Variants in SMYD1 observed in about 807,000 individuals in gnomAD.
The protein encoded by SMYD1 is histone-lysine N-methyltransferase SMYD1.
In SMYD1, 49 loss-of-function variants were observed where a neutral mutation model predicts 54.0. The ratio of observed to expected loss-of-function variants is 0.91; its 90% confidence interval spans 0.72 to 1.15. SMYD1 has a LOEUF of 1.15. SMYD1 is among the 50% of genes most tolerant of loss of function. SMYD1 has a pLI of 0.00. For missense variants in SMYD1, 653 were observed against 639.6 expected, an observed-to-expected ratio of 1.02 and a Z score of -0.23; for synonymous variants, 269 against 234.2, an observed-to-expected ratio of 1.15 and a Z score of -1.36.
Position 88,087,847 on chromosome 2 carries a change from C to T in SMYD1, c.315-15C>T. The stretch of plus-strand genomic sequence containing the variant: ...ATGCAGCTGTAGTGGCCTCCTGACG[C>T]TGCCCTTCCCACAGGCTGGCGGCGC... On this transcript the variant is annotated splice_polypyrimidine_tract_variant and intron_variant, in intron 2 of 9. Transcript: ENST00000419482. The T allele has an allele frequency of 6.4e-7, 1 of 1,550,928 alleles. No individual in the cohort carries two copies. The highest frequency in any genetic ancestry group is 8.7e-7 in the Non-Finnish European group (1 of 1,147,990).
rs551592556 is a variant in SMYD1, at chr2:88,104,497, T to C, written c.981+1347T>C. Among the ~76,000 whole-genome samples the C allele has an allele frequency of 7.9e-5, 12 of 152,310 alleles. No homozygotes were observed. In the South Asian group the frequency reaches 1.9e-3, roughly 24 times the overall value. ...GAGCAGGAGGGCCCCACTGGCTCCATTGCCCTGGGTTCTCTCCTGTTCGTT... is the reference window on the plus strand; with the variant it reads ...GAGCAGGAGGGCCCCACTGGCTCCACTGCCCTGGGTTCTCTCCTGTTCGTT... On this transcript the variant is annotated intron_variant, in intron 7 of 9. Transcript: ENST00000419482.
chr2:88,098,021 T>C (rs1674633075), intron 6 of SMYD1, among the ~76,000 whole-genome samples: 1 of 152,172 alleles, frequency 6.6e-6, no homozygotes, highest in African/African-American at 2.4e-5. Flanking sequence ...ACATGTATAT[T>C]GGATGCATGT....
At chr2:88,090,632 C>G (rs1674439904) in intron 3 of SMYD1, among the ~76,000 whole-genome samples, 1 of 152,056 alleles carries the variant, frequency 6.6e-6, no homozygotes, top group Non-Finnish European at 1.5e-5. Context: ...GAAGGAAAAG[C>G]TCACACACAC....
Position 88,067,881 on chromosome 2 carries a change from T to C in SMYD1, c.17T>C (p.Met6Thr). 6.2e-7 allele frequency: 1 copy of C among 1,613,908 alleles called. No individual in the cohort carries two copies. The highest frequency in any genetic ancestry group is 1.1e-5 in the South Asian group (1 of 91,056). MTIGR[M>T]ENVEVFTAEG... ...GTCTCTGAGATGACAATAGGGAGAA[T>C]GGAGAACGTGGAGGTCTTCACCGCT... The change falls in exon 1 of 10, where the codon ATG (methionine) becomes ACG (threonine). Residue 6 changes from methionine (M) to threonine (T), a missense_variant. Transcript: ENST00000419482.
intron 2 of SMYD1, among the ~76,000 whole-genome samples, chr2:88,085,178 G>T (rs1196124429): frequency 6.6e-6 from 1 of 152,024 alleles, no homozygotes; most frequent in Non-Finnish European, 1.5e-5. Flanking sequence ...GGCAAAATAG[G>T]CTAGAGCTGA....
At chr2:88,096,177 G>A (rs1396711671) in intron 5 of SMYD1, among the ~76,000 whole-genome samples, 1 of 152,224 alleles carries the variant, frequency 6.6e-6, no homozygotes, top group African/African-American at 2.4e-5. Flanking sequence ...TGAGAGAGTA[G>A]TCCCCAAACT....
At chr2:88,090,708 C>T (rs1404957912) in intron 3 of SMYD1, among the ~76,000 whole-genome samples, 1 of 152,126 alleles carries the variant, frequency 6.6e-6, no homozygotes, top group Non-Finnish European at 1.5e-5. Flanking sequence ...CTGAGGAATA[C>T]TCATGTAAGA....
chr2:88,081,681 G>A (rs552992179), intron 1 of SMYD1, among the ~76,000 whole-genome samples: 103 of 151,676 alleles, frequency 6.8e-4, no homozygotes, highest in Middle Eastern at 3.4e-3. Context: ...GGTGATCTGC[G>A]CACCTCGGCT....
At chr2:88,085,785 A>T (rs1466670350) in intron 2 of SMYD1, among the ~76,000 whole-genome samples, 1 of 152,076 alleles carries the variant, frequency 6.6e-6, no homozygotes, top group Non-Finnish European at 1.5e-5. Flanking sequence ...CTGTGAAGAC[A>T]CCTCAGTTTC....
Position 88,096,746 on chromosome 2 carries a change from A to C in SMYD1, c.850A>C (p.Lys284Gln), listed in dbSNP as rs1225756980. 8.1e-6 allele frequency: 13 copies of C among 1,614,062 alleles called. No homozygotes were observed. In the African/African-American group the frequency reaches 1.5e-4, roughly 18 times the overall value. ...ATGTGAACACTGCCAGAAAAAACTG[A>C]AGGATGACCTCTTCCTGGGGGTGAA... is the stretch of plus-strand genomic sequence containing the variant. ...CTCEHCQKKL[K>Q]DDLFLGVKDN... is the part of the protein sequence containing the mutation. The change falls in exon 6 of 10, where the codon AAG becomes CAG. Residue 284 changes from lysine to glutamine, a missense_variant. Coordinates refer to ENST00000419482, the MANE Select transcript of SMYD1 (RefSeq NM_198274.4).
chr2:88,102,999 A>T, intron 6 of SMYD1, 59 bp from the exon 7 acceptor site: 3 of 1,350,044 alleles, frequency 2.2e-6, no homozygotes, highest in Non-Finnish European at 3.2e-6. Context: ...CAACTATTCA[A>T]AGGTGGAATG....
chr2:88,109,435 C>T (rs1012237548), intron 9 of SMYD1, among the ~76,000 whole-genome samples: 12 of 152,140 alleles, frequency 7.9e-5, no homozygotes, highest in African/African-American at 1.7e-4. Flanking sequence ...TCAGTCTCCT[C>T]ATCAGTAAAA....
rs1412225475 is a variant in SMYD1, at chr2:88,106,338, G to A, written c.995G>A (p.Cys332Tyr). The change falls in exon 8 of 10, where the codon TGC becomes TAC. Residue 332 changes from cysteine to tyrosine, a missense_variant. Coordinates refer to ENST00000419482, the MANE Select transcript of SMYD1 (RefSeq NM_198274.4). ...GTCTCACTCTAGGTTGTGAAATTAT[G>A]CCGGGAGTGCCTGGAGAAGCAGGAG... Reference protein sequence around the residue: ...EGLYHEVVKLCRECLEKQEPV... With the variant: ...EGLYHEVVKLYRECLEKQEPV... 2.5e-6 allele frequency: 4 copies of A among 1,614,016 alleles called. No homozygotes were observed. The South Asian group carries it at 3.3e-5, about 13-fold the overall frequency.
intron 7 of SMYD1, among the ~76,000 whole-genome samples, chr2:88,105,228 C>T (rs930251603): frequency 9.9e-5 from 15 of 152,168 alleles, no homozygotes; most frequent in Non-Finnish European, 1.9e-4. Flanking sequence ...ATCCATTGCT[C>T]ACCATCTGTG....
chr2:88,099,966 C>A (rs1268059095), intron 6 of SMYD1, among the ~76,000 whole-genome samples: 1 of 150,450 alleles, frequency 6.6e-6, no homozygotes, highest in African/African-American at 2.5e-5. Context: ...TGGCTCCTCC[C>A]CCTTTCCTAT....
chr2:88,107,550 A>ACTC (rs1355859445), intron 8 of SMYD1, among the ~76,000 whole-genome samples: 2 of 152,182 alleles, frequency 1.3e-5, no homozygotes, highest in Non-Finnish European at 2.9e-5. Flanking sequence ...TATGGAGTCT[A>ACTC]CAGAGGCAGG....
At chr2:88,081,190 A>G (rs942749689) in intron 1 of SMYD1, among the ~76,000 whole-genome samples, 1 of 152,086 alleles carries the variant, frequency 6.6e-6, no homozygotes, top group Non-Finnish European at 1.5e-5. Context: ...GGTGTGAGCC[A>G]CCGCGCCTGG....
intron 9 of SMYD1, among the ~76,000 whole-genome samples, chr2:88,109,238 G>A (rs1674954463): frequency 6.9e-6 from 1 of 145,642 alleles, no homozygotes; most frequent in Admixed American, 6.9e-5. Flanking sequence ...CCTGGACTGA[G>A]GAAGCGTAAA....
rs1246473343 is a variant in SMYD1 at position 88,111,874 on chromosome 2, C to T, written c.*1362C>T. On this transcript the variant is annotated 3_prime_UTR_variant, in exon 10 of 10. Coordinates refer to ENST00000419482, the MANE Select transcript of SMYD1 (RefSeq NM_198274.4). ...AAGACTTCTACACAACCCAGGACTA[C>T]CATTGACCTCAGAGCTGTACCCCAC... 3.5e-6 allele frequency: 2 copies of T among 569,440 alleles called. No individual in the cohort carries two copies. Among genetic ancestry groups the T allele is most frequent in the Non-Finnish European group, 3.1e-6 (1 of 317,640 alleles). 35.3% of individuals were successfully genotyped at this position (569,440 alleles called of 1,614,324 possible).
Sources: allele counts gnomAD v4.1 joint callset (sites outside exome capture counted in the v4.1 genomes callset), GRCh38; gene constraint gnomAD v4.1.1; transcripts MANE v1.5; gene names NCBI Gene and HGNC (gene_info 2026-07-23, HGNC 2026-07-21).